MYORG: variants seen among roughly 807,000 people sequenced by gnomAD.
MYORG encodes alpha-galactosidase MYORG.
In MYORG, 45 loss-of-function variants were observed where a neutral mutation model predicts 49.8. The ratio of observed to expected loss-of-function variants is 0.90; its 90% CI spans 0.71 to 1.16. MYORG has a LOEUF of 1.16. Ranked by LOEUF, MYORG falls within the 50% of genes most tolerant of loss-of-function variation. MYORG has a pLI of 0.00. For missense variants in MYORG, 1,110 were observed against 1,026.5 expected, an observed-to-expected ratio of 1.08 and a Z score of -1.11; for synonymous variants, 552 against 462.9, an observed-to-expected ratio of 1.19 and a Z score of -2.47.
rs756708548 is a variant in MYORG at position 34,371,197 on chromosome 9, A to G, written c.1747T>C (p.Phe583Leu). Residue 583 changes from phenylalanine to leucine, a missense_variant, in exon 2 of 2, where the codon TTT (phenylalanine) becomes CTT (leucine). Coordinates refer to ENST00000297625, the MANE Select transcript of MYORG (RefSeq NM_020702.5). ...ATAGAGAACTGCATGGCCGGCATAA[A>G]GGCGGCCACTTCCAGCCAGCGAATG... is the stretch of plus-strand genomic sequence containing the variant. ...LYIRWLEVAAFMPAMQFSIPP... is the reference protein window; with the variant it reads ...LYIRWLEVAALMPAMQFSIPP... 2 of 1,610,372 alleles carry G rather than the reference A, an allele frequency of 1.2e-6. No homozygotes were observed. Among genetic ancestry groups the G allele is most frequent in the Admixed American group, 1.7e-5 (1 of 59,814 alleles).
At position 34,370,127 on chromosome 9, in the gene MYORG, T is replaced by C. The variant is rs1364523385; in HGVS notation, c.*672A>G. The C allele has an allele frequency of 6.5e-6, 1 of 152,746 alleles. No individual in the cohort carries two copies. The highest frequency in any genetic ancestry group is 1.5e-5 in the Non-Finnish European group (1 of 68,144). The allele number at this position is 152,746 out of a possible 1,614,324, so 9.5% of individuals were successfully genotyped here. The stretch of plus-strand genomic sequence containing the variant: ...CATTTGGCCCAGGGCTGAGCCCATG[T>C]ATGTACACAAATGGGTTAGTGCAGT... On this transcript the variant is annotated 3_prime_UTR_variant, in exon 2 of 2. Coordinates refer to ENST00000297625, the MANE Select transcript of MYORG (RefSeq NM_020702.5).
At position 34,372,619 on chromosome 9, in the gene MYORG, G is replaced by A. The variant is rs746104060; in HGVS notation, c.325C>T (p.Gln109Ter). The part of the protein sequence containing the change: ...GFSIRNQKGE[Q>*]VFRLAFRSGA... ...GAGCGGAAGGCCAGGCGGAAGACCT[G>A]CTCTCCCTTCTGATTGCGGATGGAG... Residue 109 changes from glutamine (Q) to a stop codon, truncating the protein, a stop_gained, in exon 2 of 2, where the codon CAG becomes TAG. Coordinates refer to ENST00000297625, the MANE Select transcript of MYORG (RefSeq NM_020702.5). LOFTEE classifies it high-confidence loss of function. The A allele has an allele frequency of 2.5e-6, 4 of 1,605,732 alleles. No homozygotes were observed. Among genetic ancestry groups the A allele is most frequent in the Non-Finnish European group, 3.4e-6 (4 of 1,176,484 alleles).
In MYORG at chr9:34,372,685, G is replaced by T; in HGVS notation, c.259C>A (p.Arg87=). The change falls in exon 2 of 2, where the codon CGA becomes AGA. Residue 87 remains arginine, a synonymous_variant. Transcript: ENST00000297625. ...AGGTCCAGCAGCTCCGCGCGAAGTC[G>T]CTCCGCCTTGCGTAGGGAGACGCTG... ...YYSVSLRKAE[R]LRAELLDLKA... 6.2e-7 allele frequency: 1 copy of T among 1,609,866 alleles called. No homozygotes were observed. Among genetic ancestry groups the T allele is most frequent in the Non-Finnish European group, 8.5e-7 (1 of 1,178,246 alleles).
At position 34,370,600 on chromosome 9, in the gene MYORG, G is replaced by A. The variant is rs563095810; in HGVS notation, c.*199C>T. ...GGAAAGGGCACAGTAAGGATTGTGC[G>A]TTGGAGCAGGAGATTGCTTCAGTGC... On this transcript the variant is annotated 3_prime_UTR_variant, in exon 2 of 2. Transcript: ENST00000297625. 423 of 922,604 alleles carry A rather than the reference G, an allele frequency of 4.6e-4. 2 individuals are homozygous for A. Among genetic ancestry groups the A allele is most frequent in the South Asian group, 3.6e-3 (170 of 47,224 alleles). 57.2% of individuals were successfully genotyped at this position (922,604 alleles called of 1,614,324 possible). A position where few individuals can be genotyped will look rare whatever the true frequency, so the allele number is the denominator to read the frequency against.
Position 34,369,339 on chromosome 9 carries a change from C to T in MYORG, c.*1460G>A, listed in dbSNP as rs1194412084. On this transcript the variant is annotated 3_prime_UTR_variant, in exon 2 of 2. Coordinates refer to ENST00000297625, the MANE Select transcript of MYORG (RefSeq NM_020702.5). ...CTCTGGCATGCCACTTTTCTCCAGACTCAGCTGCAAAGTCAGAAAAAACTC... is the reference window on the plus strand; with the variant it reads ...CTCTGGCATGCCACTTTTCTCCAGATTCAGCTGCAAAGTCAGAAAAAACTC... 1.3e-5 allele frequency: 2 copies of T among 152,180 alleles called. No homozygotes were observed. The highest frequency in any genetic ancestry group is 2.4e-5 in the African/African-American group (1 of 41,426). The allele number at this position is 152,180 out of a possible 1,614,324, so 9.4% of individuals were successfully genotyped here. A position where few individuals can be genotyped will look rare whatever the true frequency, so the allele number is the denominator to read the frequency against.
Position 34,371,927 on chromosome 9 carries a change from C to A in MYORG, c.1017G>T (p.Gln339His), listed in dbSNP as rs757892664. ...DQDKVLRFAQ[Q>H]IRLHHFNSSH... ...TGCTGTTGAAGTGGTGCAGGCGGAT[C>A]TGTTGGGCAAAACGCAGCACCTTGT... Residue 339 changes from glutamine to histidine, a missense_variant, in exon 2 of 2, where the codon CAG becomes CAT. Physicochemically the swap from Gln to His is conservative, Grantham distance 24 (BLOSUM62 0). Transcript: ENST00000297625. 2.8e-5 allele frequency: 45 copies of A among 1,613,950 alleles called. No homozygotes were observed. The highest frequency in any genetic ancestry group is 3.5e-5 in the Non-Finnish European group (41 of 1,179,902).
rs548319080 is a variant in MYORG, at chr9:34,371,098, C to T, written c.1846G>A (p.Ala616Thr). 2 of 1,609,158 alleles carry T rather than the reference C, an allele frequency of 1.2e-6. No individual in the cohort carries two copies. The highest frequency in any genetic ancestry group is 2.2e-5 in the South Asian group (2 of 90,960). ...KFAALRASLV[A>T]PLLLELAGEV... is the part of the protein sequence containing the mutation. Reference sequence around the variant, plus strand: ...CCCGCCAGCTCAAGCAACAGCGGTGCCACAAGCGAGGCCCGCAGGGCGGCG... The same window carrying T: ...CCCGCCAGCTCAAGCAACAGCGGTGTCACAAGCGAGGCCCGCAGGGCGGCG... The change falls in exon 2 of 2, where the codon GCA becomes ACA. Residue 616 changes from alanine (A) to threonine (T), a missense_variant. Ala to Thr is a moderately conservative substitution (Grantham distance 58). Coordinates refer to ENST00000297625, the MANE Select transcript of MYORG (RefSeq NM_020702.5).
Position 34,376,764 on chromosome 9 carries a change from G to A in MYORG, c.-64+29C>T, listed in dbSNP as rs1820726495. On this transcript the variant is annotated intron_variant, in intron 1 of 1. Transcript: ENST00000297625. The surrounding 1 kb of genome is among the most constrained non-coding windows in gnomAD (Gnocchi z 4.4). ...AATCGTGCTCCTTCAGCAGCCCCCC[G>A]CCCCCCACAGCCCTCCCGCTGGGCT... 1.3e-5 allele frequency: 2 copies of A among 152,238 alleles called. No individual in the cohort carries two copies. The highest frequency in any genetic ancestry group is 2.9e-5 in the Non-Finnish European group (2 of 68,120). 9.4% of individuals were successfully genotyped at this position (152,238 alleles called of 1,614,324 possible).
Position 34,370,794 on chromosome 9 carries a change from C to A in MYORG, c.*5G>T. On this transcript the variant is annotated 3_prime_UTR_variant, in exon 2 of 2. Transcript: ENST00000297625. ...GGCTTTGCGGTTACCGGGCCCTGGGCTGGGTCAGGACGCCCAGGTAAAGTA... is the reference window on the plus strand; with the variant it reads ...GGCTTTGCGGTTACCGGGCCCTGGGATGGGTCAGGACGCCCAGGTAAAGTA... 6.4e-7 allele frequency: 1 copy of A among 1,565,044 alleles called. No homozygotes were observed. The highest frequency in any genetic ancestry group is 8.7e-7 in the Non-Finnish European group (1 of 1,150,262).
At chr9:34,375,381 CAG>C (rs1820702951) in intron 1 of MYORG, among the ~76,000 whole-genome samples, 1 of 152,220 alleles carries the variant, frequency 6.6e-6, no homozygotes, top group South Asian at 2.1e-4. Context: ...TGGTCTGGAA[CAG>C]ACTCTTATTC....
At position 34,370,532 on chromosome 9, in the gene MYORG, C is replaced by T. The variant is rs972059037; in HGVS notation, c.*267G>A. ...TTTCCTCTAAGCTCTCTGGCTTCCA[C>T]CCCAGGGAAGAGGTTTCTGCAGATT... On this transcript the variant is annotated 3_prime_UTR_variant, in exon 2 of 2. Coordinates refer to ENST00000297625, the MANE Select transcript of MYORG (RefSeq NM_020702.5). The T allele has an allele frequency of 8.9e-6, 4 of 447,052 alleles. No homozygotes were observed. Among genetic ancestry groups the T allele is most frequent in the Admixed American group, 3.9e-5 (1 of 25,582 alleles). The allele number at this position is 447,052 out of a possible 1,614,324, so 27.7% of individuals were successfully genotyped here. A position where few individuals can be genotyped will look rare whatever the true frequency, so the allele number is the denominator to read the frequency against.
chr9:34,374,510 C>T (rs1399844680), intron 1 of MYORG, among the ~76,000 whole-genome samples: 1 of 152,036 alleles, frequency 6.6e-6, no homozygotes, highest in Non-Finnish European at 1.5e-5. Context: ...CTTGGCCCAG[C>T]GCACCTCCTC....
rs1174765115 is a variant in MYORG at position 34,369,082 on chromosome 9, T to G, written c.*1717A>C. Reference sequence around the variant, plus strand: ...CAGCTCTCATGAGATCTATTCACTATCACCAGAACAGTATGGCGGAAACTG... The same window carrying G: ...CAGCTCTCATGAGATCTATTCACTAGCACCAGAACAGTATGGCGGAAACTG... On this transcript the variant is annotated 3_prime_UTR_variant, in exon 2 of 2. Transcript: ENST00000297625. 2.6e-5 allele frequency: 4 copies of G among 152,172 alleles called. No homozygotes were observed. Among genetic ancestry groups the G allele is most frequent in the Non-Finnish European group, 5.9e-5 (4 of 68,040 alleles). 9.4% of individuals were successfully genotyped at this position (152,172 alleles called of 1,614,324 possible). A position where few individuals can be genotyped will look rare whatever the true frequency, so the allele number is the denominator to read the frequency against.
chr9:34,372,019 C>T lies in MYORG; in HGVS notation c.925G>A (p.Ala309Thr), dbSNP rs1443451053. 3 of 1,614,028 alleles carry T rather than the reference C, an allele frequency of 1.9e-6. No individual in the cohort carries two copies. The highest frequency in any genetic ancestry group is 4.5e-5 in the East Asian group (2 of 44,872). The change falls in exon 2 of 2, where the codon GCA becomes ACA. Residue 309 changes from alanine to threonine, a missense_variant. Transcript: ENST00000297625. ...ATGGGGTCTCGGAAGGCCTCGGGTG[C>T]TGGCACCCTTGACGGCTTGTTGAAG... ...RYFNKPSRVP[A>T]PEAFRDPIWS...
chr9:34,375,674 A>T (rs1489665489), intron 1 of MYORG, among the ~76,000 whole-genome samples: 1 of 152,230 alleles, frequency 6.6e-6, no homozygotes, highest in African/African-American at 2.4e-5. Context: ...CTTTCATATG[A>T]AGTCAGCCTA....
rs1401113449 is a variant in MYORG at position 34,372,590 on chromosome 9, G to A, written c.354C>T (p.Gly118=). The change falls in exon 2 of 2, where the codon GGC becomes GGT. Residue 118 remains glycine, a synonymous_variant. Transcript: ENST00000297625. ...EQVFRLAFRS[G]ALDLDSCSRD... ...GGCTGCAGGAGTCAAGGTCCAGCGC[G>A]CCGGAGCGGAAGGCCAGGCGGAAGA... 3.1e-6 allele frequency: 5 copies of A among 1,603,142 alleles called. No homozygotes were observed. The highest frequency in any genetic ancestry group is 1.1e-5 in the South Asian group (1 of 89,428).
In MYORG at chr9:34,371,734, C is replaced by T; in HGVS notation, c.1210G>A (p.Glu404Lys). The change falls in exon 2 of 2, where the codon GAG becomes AAG. Residue 404 changes from glutamate to lysine, a missense_variant. Physicochemically the swap from Glu to Lys is moderately conservative, Grantham distance 56 (BLOSUM62 1). Coordinates refer to ENST00000297625, the MANE Select transcript of MYORG (RefSeq NM_020702.5). ...ACGAACAGCTCGCGCTCCACGCCCT[C>T]GCCGAAGCGCGACGAGTTGTAGTTG... ...FVNYNSSRFG[E>K]GVERELFVRE... The T allele has an allele frequency of 1.9e-6, 3 of 1,612,474 alleles. No homozygotes were observed. The highest frequency in any genetic ancestry group is 2.5e-6 in the Non-Finnish European group (3 of 1,179,296).
chr9:34,370,735 T>C lies in MYORG; in HGVS notation c.*64A>G, dbSNP rs1385480834. The C allele has an allele frequency of 6.7e-7, 1 of 1,482,402 alleles. No individual in the cohort carries two copies. Among genetic ancestry groups the C allele is most frequent in the Non-Finnish European group, 9.0e-7 (1 of 1,110,680 alleles). 91.8% of individuals were successfully genotyped at this position (1,482,402 alleles called of 1,614,324 possible). ...TTCCTGGGAGTACATGGTGCGGGTG[T>C]GACGGAGGGTTCAAGGTCTGCATGA... On this transcript the variant is annotated 3_prime_UTR_variant, in exon 2 of 2. Coordinates refer to ENST00000297625, the MANE Select transcript of MYORG (RefSeq NM_020702.5).
In MYORG at chr9:34,371,549, G is replaced by GC. The variant is rs755927408; in HGVS notation, c.1394dup (p.Glu466ArgfsTer27). The GC allele has an allele frequency of 1.2e-6, 2 of 1,605,058 alleles. No individual in the cohort carries two copies. The highest frequency in any genetic ancestry group is 8.5e-7 in the Non-Finnish European group (1 of 1,179,082). On this transcript the variant is annotated frameshift_variant, in exon 2 of 2. Coordinates refer to ENST00000297625, the MANE Select transcript of MYORG (RefSeq NM_020702.5). LOFTEE classifies it high-confidence loss of function. The stretch of plus-strand genomic sequence containing the variant: ...AGTCCCGCGGCAGGTAGCTGACCTC[G>GC]CCCGCGTCGAACTTGAAGGAAGCCA...
Sources: allele counts gnomAD v4.1 joint callset (sites outside exome capture counted in the v4.1 genomes callset), GRCh38; gene constraint gnomAD v4.1.1; non-coding constraint Gnocchi (gnomAD v3.1); transcripts MANE v1.5; gene names NCBI Gene and HGNC (gene_info 2026-07-23, HGNC 2026-07-21).